CCNB1: variants seen among roughly 807,000 people sequenced by gnomAD.
CCNB1 encodes the protein cyclin B1, also known as G2/mitotic-specific cyclin-B1.
Under a neutral mutation model 44.4 loss-of-function variants are expected in CCNB1, and 26 were observed. The observed-to-expected ratio is 0.59, with a 90% CI of 0.43 to 0.81. The LOEUF (loss-of-function observed/expected upper bound fraction) is 0.81, where lower values mean the gene tolerates loss of function less well. Among genes scored for constraint, CCNB1 ranks in the 40% least tolerant of loss-of-function variants. The pLI, the probability that CCNB1 is intolerant of heterozygous loss-of-function variation, is 0.00. For missense variants in CCNB1, 477 were observed against 520.9 expected, an observed-to-expected ratio of 0.92 and a Z score of 0.82; for synonymous variants, 195 against 181.4, an observed-to-expected ratio of 1.08 and a Z score of -0.60.
intron 3 of CCNB1, among the ~76,000 whole-genome samples, chr5:69,169,442 G>C (rs901154477): frequency 6.6e-6 from 1 of 152,192 alleles, no homozygotes; most frequent in Non-Finnish European, 1.5e-5. Context: ...GAAATATGTA[G>C]CCAGCACAGT....
At chr5:69,175,639 G>A in intron 7 of CCNB1, 102 bp downstream of exon 7, 1 of 1,043,528 alleles carries the variant, frequency 9.6e-7, no homozygotes. Flanking sequence ...TCATAAATAT[G>A]GGATCTACTG....
At chr5:69,176,261 A>G (rs1034791131) in intron 7 of CCNB1, among the ~76,000 whole-genome samples, 2 of 151,468 alleles carry the variant, frequency 1.3e-5, no homozygotes, top group Non-Finnish European at 2.9e-5. Context: ...TACTCCTTAC[A>G]GATGGAGAAA....
At chr5:69,171,130 G>A (rs1375748501) in intron 3 of CCNB1, 140 bp from the exon 4 acceptor site, 1 of 612,490 alleles carries the variant, frequency 1.6e-6, no homozygotes, top group Non-Finnish European at 2.8e-6. Context: ...AATCTGAAAA[G>A]ATACTTTTCC....
At chr5:69,170,306 T>C in intron 3 of CCNB1, among the ~76,000 whole-genome samples, 1 of 152,120 alleles carries the variant, frequency 6.6e-6, no homozygotes, top group East Asian at 1.9e-4. Context: ...GTCTACTAAA[T>C]TCAGAGTCCT....
intron 6 of CCNB1, 138 bp from the exon 7 acceptor site, chr5:69,175,258 CA>C: frequency 9.6e-7 from 1 of 1,039,032 alleles, no homozygotes; most frequent in Admixed American, 2.2e-5. Context: ...AGTCAGGCTG[CA>C]TGTTAATATT....
chr5:69,170,992 C>A (rs1337137087), intron 3 of CCNB1, among the ~76,000 whole-genome samples: 2 of 152,052 alleles, frequency 1.3e-5, no homozygotes, highest in Non-Finnish European at 2.9e-5. Flanking sequence ...CTATGTTGCC[C>A]AGGCTGGTCT....
At chr5:69,170,855 G>A in intron 3 of CCNB1, among the ~76,000 whole-genome samples, 1 of 152,182 alleles carries the variant, frequency 6.6e-6, no homozygotes, top group African/African-American at 2.4e-5. Context: ...TGGTCTCAAA[G>A]GATCCTCCCA....
At chr5:69,176,256 C>G (rs907314144) in intron 7 of CCNB1, among the ~76,000 whole-genome samples, 2 of 151,300 alleles carry the variant, frequency 1.3e-5, no homozygotes, top group African/African-American at 4.8e-5. Context: ...ACTTTTACTC[C>G]TTACAGATGG....
chr5:69,173,331 A>G (rs1313639822), intron 4 of CCNB1, among the ~76,000 whole-genome samples: 1 of 152,170 alleles, frequency 6.6e-6, no homozygotes, highest in African/African-American at 2.4e-5. Flanking sequence ...CAAAGTATAC[A>G]TGCTCTAGAA....
chr5:69,172,546 C>T (rs974765881), intron 4 of CCNB1, among the ~76,000 whole-genome samples: 13 of 152,064 alleles, frequency 8.5e-5, no homozygotes, highest in South Asian at 8.3e-4. Flanking sequence ...CCTGAGCAAC[C>T]GCACCCAGCC....
rs377039637 is a variant in CCNB1, at chr5:69,167,910, C to A, written c.24C>A (p.Asn8Lys). 15 of 1,608,444 alleles carry A rather than the reference C, an allele frequency of 9.3e-6. No individual in the cohort carries two copies. The highest frequency in any genetic ancestry group is 1.3e-5 in the Non-Finnish European group (15 of 1,178,188). MALRVTR[N>K]SKINAENKAK... ...TAAAGTGGTCTTGCTTCTTTCAGAA[C>A]TCGAAAATTAATGCTGAAAATAAGG... Residue 8 changes from asparagine (N) to lysine (K), a missense_variant and splice_region_variant, in exon 2 of 9, where the codon AAC becomes AAA. Asn to Lys is a moderately conservative substitution (Grantham distance 94, BLOSUM62 0). Transcript: ENST00000256442.
chr5:69,167,863 C>T (rs752795547), intron 1 of CCNB1, 45 bp from the exon 2 acceptor site: 14 of 1,538,088 alleles, frequency 9.1e-6, no homozygotes, highest in Non-Finnish European at 1.2e-5. Context: ...TTGACTTACT[C>T]GAGCCTTCGT....
intron 7 of CCNB1, 141 bp downstream of exon 7, chr5:69,175,678 A>G (rs568754602): frequency 1.0e-4 from 86 of 827,270 alleles, no homozygotes; most frequent in Admixed American, 7.5e-4. Context: ...ATGTCTTAGA[A>G]TGTTTCCACA....
intron 7 of CCNB1, among the ~76,000 whole-genome samples, chr5:69,176,100 C>G (rs1747583795): frequency 6.7e-6 from 1 of 150,242 alleles, no homozygotes; most frequent in Admixed American, 6.7e-5. Context: ...ATTACCCAGG[C>G]TGGTCTTGAA....
At position 69,177,347 on chromosome 5, in the gene CCNB1, A is replaced by G. The variant is rs774299356; in HGVS notation, c.1192A>G (p.Met398Val). 4 of 1,580,804 alleles carry G rather than the reference A, an allele frequency of 2.5e-6. No individual in the cohort carries two copies. The highest frequency in any genetic ancestry group is 3.5e-6 in the Non-Finnish European group (4 of 1,149,754). ...VMVNQGLTKHMTVKNKYATSK... is the reference protein window; with the variant it reads ...VMVNQGLTKHVTVKNKYATSK... ...GGTAAATCAAGGACTTACAAAGCACATGGTGAGTCAATATAGTGGCATTGT... is the reference window on the plus strand; with the variant it reads ...GGTAAATCAAGGACTTACAAAGCACGTGGTGAGTCAATATAGTGGCATTGT... Residue 398 changes from methionine (M) to valine (V), a missense_variant and splice_region_variant, in exon 8 of 9, where the codon ATG becomes GTG. Coordinates refer to ENST00000256442, the MANE Select transcript of CCNB1 (RefSeq NM_031966.4).
rs771949435 is a variant in CCNB1 at position 69,171,395 on chromosome 5, T to A, written c.489T>A (p.Asp163Glu). The A allele has an allele frequency of 2.5e-6, 4 of 1,613,986 alleles. No homozygotes were observed. The highest frequency in any genetic ancestry group is 3.4e-6 in the Non-Finnish European group (4 of 1,179,956). Reference protein sequence around the residue: ...VNDVDAEDGADPNLCSEYVKD... With the variant: ...VNDVDAEDGAEPNLCSEYVKD... ...ATGTGGATGCAGAAGATGGAGCTGATCCAAACCTTTGTAGTGAATATGTGA... is the reference window on the plus strand; with the variant it reads ...ATGTGGATGCAGAAGATGGAGCTGAACCAAACCTTTGTAGTGAATATGTGA... Residue 163 changes from aspartate (D) to glutamate (E), a missense_variant, in exon 4 of 9, where the codon GAT becomes GAA. Coordinates refer to ENST00000256442, the MANE Select transcript of CCNB1 (RefSeq NM_031966.4).
chr5:69,167,941 A>G lies in CCNB1; in HGVS notation c.55A>G (p.Ile19Val). 2 of 1,612,308 alleles carry G rather than the reference A, an allele frequency of 1.2e-6. No homozygotes were observed. The highest frequency in any genetic ancestry group is 8.5e-7 in the Non-Finnish European group (1 of 1,179,636). The change falls in exon 2 of 9, where the codon ATC becomes GTC. Residue 19 changes from isoleucine (I) to valine (V), a missense_variant. Transcript: ENST00000256442. ...SKINAENKAK[I>V]NMAGAKRVPT... is the part of the protein sequence containing the mutation. ...AATTAATGCTGAAAATAAGGCGAAG[A>G]TCAACATGGCAGGCGCAAAGCGCGT...
At chr5:69,173,654 T>C (rs1339088945) in intron 4 of CCNB1, among the ~76,000 whole-genome samples, 3 of 152,186 alleles carry the variant, frequency 2.0e-5, no homozygotes, top group African/African-American at 7.2e-5. Context: ...GAGATGATAA[T>C]GTAGTATCTT....
chr5:69,167,815 T>C, intron 1 of CCNB1, 93 bp from the exon 2 acceptor site: 8 of 1,188,372 alleles, frequency 6.7e-6, no homozygotes, highest in Non-Finnish European at 8.3e-6. Flanking sequence ...CGGCTTTCTT[T>C]CTGGGAACTT....
Sources: gnomAD v4.1 joint callset for allele counts (sites outside exome capture counted in the v4.1 genomes callset) on GRCh38, gnomAD v4.1.1 for gene constraint, MANE v1.5 for transcripts, NCBI Gene and HGNC (gene_info 2026-07-23, HGNC 2026-07-21) for gene names.